The following SIPA1L2 variants were observed in gnomAD, a reference collection of about 807,000 sequenced individuals.
SIPA1L2 encodes signal-induced proliferation-associated 1-like protein 2.
A neutral mutation model predicts 163.9 loss-of-function variants in SIPA1L2; 56 were observed. The ratio of observed to expected loss-of-function variants is 0.34; its 90% CI spans 0.28 to 0.43. SIPA1L2 has a LOEUF of 0.43. Ranked by LOEUF, SIPA1L2 falls within the 20% of genes least tolerant of loss-of-function variation. SIPA1L2 has a pLI of 1.00. For missense variants in SIPA1L2, 1,974 were observed against 2,193.5 expected (o/e 0.90, Z 2.00); for synonymous variants, 877 against 865.7 (o/e 1.01, Z -0.23).
At chr1:232,546,026 T>G (rs1205129462) in intron 2 of SIPA1L2, among the ~76,000 whole-genome samples, 1 of 152,234 alleles carries the variant, frequency 6.6e-6, no homozygotes, top group East Asian at 1.9e-4. Flanking sequence ...ATGTTGTCAT[T>G]ACATTGTGTT....
chr1:232,542,984 CA>C (rs1247282136), intron 2 of SIPA1L2, among the ~76,000 whole-genome samples: 1 of 152,172 alleles, frequency 6.6e-6, no homozygotes, highest in African/African-American at 2.4e-5. Context: ...TTCAGAAAAA[CA>C]GCTAAGTTTT....
At chr1:232,477,025 G>A (rs1478144134) in intron 7 of SIPA1L2, among the ~76,000 whole-genome samples, 7 of 152,102 alleles carry the variant, frequency 4.6e-5, no homozygotes, top group Admixed American at 4.6e-4. Context: ...GGGCATGGAT[G>A]GTGAGGGTGA....
chr1:232,566,994 C>T (rs1659441931), intron 2 of SIPA1L2, among the ~76,000 whole-genome samples: 1 of 152,114 alleles, frequency 6.6e-6, no homozygotes, highest in Non-Finnish European at 1.5e-5. Flanking sequence ...CTCCTAACTG[C>T]CTACAGAAGC....
chr1:232,547,847 A>T (rs187134807), intron 2 of SIPA1L2, among the ~76,000 whole-genome samples: 6 of 152,286 alleles, frequency 3.9e-5, no homozygotes, highest in Admixed American at 3.3e-4. Flanking sequence ...CTTCAGAATA[A>T]TAAACATCTG....
chr1:232,461,063 A>T lies in SIPA1L2; in HGVS notation c.2919T>A (p.Asp973Glu). ...TCCAGGCAAAGCCAAAAGGTTCCAC[A>T]TCTGCGACAATTCCTTCAAAATTCA... ...FHVNFEGIVA[D>E]VEPFGFAWKA... The change falls in exon 10 of 23, where the codon GAT becomes GAA. Residue 973 changes from aspartate to glutamate, a missense_variant. Coordinates refer to ENST00000674635, the MANE Select transcript of SIPA1L2 (RefSeq NM_020808.5). 6.2e-7 allele frequency: 1 copy of T among 1,614,272 alleles called. No individual in the cohort carries two copies. Among genetic ancestry groups the T allele is most frequent in the South Asian group, 1.1e-5 (1 of 91,088 alleles).
intron 21 of SIPA1L2, 23 bp downstream of exon 21, chr1:232,403,425 G>GGAC (rs777697956): frequency 1.2e-5 from 20 of 1,604,720 alleles, no homozygotes; most frequent in Non-Finnish European, 1.7e-5. Context: ...GCAGGAGGGA[G>GGAC]GGGTCCACAG....
intron 2 of SIPA1L2, among the ~76,000 whole-genome samples, chr1:232,548,260 C>T (rs572234088): frequency 1.7e-4 from 26 of 152,322 alleles, no homozygotes; most frequent in African/African-American, 6.0e-4. Context: ...AACTGTATGG[C>T]TTTCTTCTGC....
intron 2 of SIPA1L2, among the ~76,000 whole-genome samples, chr1:232,559,862 A>C (rs1341849293): frequency 6.6e-6 from 1 of 152,236 alleles, no homozygotes; most frequent in Non-Finnish European, 1.5e-5. Context: ...AGTAAGCTAC[A>C]ATGTTTCTAC....
At chr1:232,581,438 A>C (rs1009594211) in intron 1 of SIPA1L2, among the ~76,000 whole-genome samples, 1 of 152,190 alleles carries the variant, frequency 6.6e-6, no homozygotes, top group African/African-American at 2.4e-5. Flanking sequence ...AACGTAGGGA[A>C]GGCAGAGCAA....
intron 16 of SIPA1L2, among the ~76,000 whole-genome samples, chr1:232,430,103 T>A (rs1375284284): frequency 1.3e-5 from 2 of 152,140 alleles, no homozygotes; most frequent in East Asian, 3.9e-4. Context: ...CCGTGAGTAG[T>A]GAAGTTAAGC....
chr1:232,413,345 C>T (rs1446435697), intron 19 of SIPA1L2, among the ~76,000 whole-genome samples: 46 of 152,174 alleles, frequency 3.0e-4, no homozygotes, highest in Non-Finnish European at 4.4e-5. Flanking sequence ...GAAGTTATGA[C>T]CGAAATCCCT....
intron 3 of SIPA1L2, among the ~76,000 whole-genome samples, chr1:232,507,825 A>C (rs1417111008): frequency 6.6e-6 from 1 of 152,220 alleles, no homozygotes; most frequent in Non-Finnish European, 1.5e-5. Context: ...ATGCAGATGC[A>C]GTTCTATACA....
At chr1:232,485,044 A>C (rs1466948434) in intron 5 of SIPA1L2, among the ~76,000 whole-genome samples, 1 of 152,236 alleles carries the variant, frequency 6.6e-6, no homozygotes, top group Admixed American at 6.5e-5. Context: ...CTATGCAAGA[A>C]AGGCATGCAA....
rs1345007159 is a variant in SIPA1L2 at position 232,629,787 on chromosome 1, C to T, written c.-319+82G>A. Among the ~76,000 whole-genome samples, 3 of 152,058 alleles carry T rather than the reference C, an allele frequency of 2.0e-5. No individual in the cohort carries two copies. In the East Asian group the frequency reaches 5.8e-4, roughly 30 times the overall value. The stretch of plus-strand genomic sequence containing the variant: ...AAGCGCCCCGAAGGGCATCCCCTTC[C>T]CCTTCGGGACAGTCCCCGCCTGGCC... On this transcript the variant is annotated intron_variant, in intron 1 of 22. Transcript: ENST00000674635.
At chr1:232,498,973 T>C (rs1444087595) in intron 3 of SIPA1L2, among the ~76,000 whole-genome samples, 1 of 152,192 alleles carries the variant, frequency 6.6e-6, no homozygotes, top group Non-Finnish European at 1.5e-5. Flanking sequence ...TGTTGAACAG[T>C]GGATGTCTCA....
At chr1:232,529,288 C>T (rs1297852194) in intron 2 of SIPA1L2, among the ~76,000 whole-genome samples, 2 of 152,198 alleles carry the variant, frequency 1.3e-5, no homozygotes, top group East Asian at 3.9e-4. Context: ...ATCTAACACA[C>T]TCAAAGCCAT....
rs1340861622 is a variant in SIPA1L2 at position 232,630,115 on chromosome 1, C to A, written c.-565G>T. 1.3e-5 allele frequency among the ~76,000 whole-genome samples: 2 copies of A among 151,238 alleles called. No homozygotes were observed. The highest frequency in any genetic ancestry group is 3.0e-5 in the Non-Finnish European group (2 of 67,686). On this transcript the variant is annotated 5_prime_UTR_variant, in exon 1 of 23. Coordinates refer to ENST00000674635, the MANE Select transcript of SIPA1L2 (RefSeq NM_020808.5). ...TCCTCCTCCTCTCGCTCCGCCAGCT[C>A]CTCCCGGGCTCCCAGTCTGCCGCGC...
At chr1:232,542,417 T>C (rs1262831487) in intron 2 of SIPA1L2, among the ~76,000 whole-genome samples, 2 of 152,210 alleles carry the variant, frequency 1.3e-5, no homozygotes, top group Non-Finnish European at 2.9e-5. Flanking sequence ...TGCACTCTCA[T>C]AGACAGTGGG....
chr1:232,544,776 T>C (rs1657925441), intron 2 of SIPA1L2, among the ~76,000 whole-genome samples: 1 of 152,190 alleles, frequency 6.6e-6, no homozygotes, highest in Non-Finnish European at 1.5e-5. Flanking sequence ...CAGCCAAGTC[T>C]TCTTGCACAA....
Sources: gnomAD v4.1 joint callset for allele counts (sites outside exome capture counted in the v4.1 genomes callset) on GRCh38, gnomAD v4.1.1 for gene constraint, MANE v1.5 for transcripts, NCBI Gene and HGNC (gene_info 2026-07-23, HGNC 2026-07-21) for gene names.